SFMBT2: variants seen among roughly 807,000 people sequenced by gnomAD.
The protein encoded by SFMBT2 is Scm like with four mbt domains 2, also known as scm-like with four MBT domains protein 2.
A neutral mutation model predicts 110.1 loss-of-function variants in SFMBT2; 38 were observed. The observed-to-expected ratio is 0.35, with a 90% confidence interval of 0.27 to 0.45. The LOEUF (loss-of-function observed/expected upper bound fraction) is 0.45, where lower values mean the gene tolerates loss of function less well. Ranked by LOEUF, SFMBT2 falls within the 20% of genes least tolerant of loss-of-function variation. SFMBT2 has a pLI of 1.00. For missense variants in SFMBT2, 1,011 were observed against 1,094.9 expected (o/e 0.92, Z 1.08); for synonymous variants, 425 against 425.4 (o/e 1.00, Z 0.01).
chr10:7,272,533 G>GC (rs200631993), intron 7 of SFMBT2, among the ~76,000 whole-genome samples: 2 of 152,070 alleles, frequency 1.3e-5, no homozygotes, highest in Admixed American at 6.6e-5. Context: ...GCAGTTAGAC[G>GC]CCCCCCACAG....
At chr10:7,192,799 G>A (rs1402223359) in intron 15 of SFMBT2, among the ~76,000 whole-genome samples, 4 of 152,160 alleles carry the variant, frequency 2.6e-5, no homozygotes, top group Non-Finnish European at 4.4e-5. Flanking sequence ...GCAGTGGGGC[G>A]TCTCTGACTC....
At chr10:7,391,567 T>G (rs778831786) in intron 1 of SFMBT2, among the ~76,000 whole-genome samples, 5 of 152,166 alleles carry the variant, frequency 3.3e-5, no homozygotes, top group Non-Finnish European at 5.9e-5. Context: ...CCCAGGTGAC[T>G]GCAAAATTGA....
intron 7 of SFMBT2, among the ~76,000 whole-genome samples, chr10:7,249,986 C>A (rs879272245): frequency 1.6e-4 from 25 of 152,128 alleles, no homozygotes; most frequent in Admixed American, 1.4e-3. Context: ...ACTGGCCACT[C>A]TAAATATTTA....
At chr10:7,289,352 T>G (rs1157622635) in intron 4 of SFMBT2, among the ~76,000 whole-genome samples, 2 of 152,206 alleles carry the variant, frequency 1.3e-5, no homozygotes, top group African/African-American at 4.8e-5. Flanking sequence ...ATAATCCAAG[T>G]TAACAGTTAA....
At chr10:7,230,235 CT>C (rs1365972411) in intron 9 of SFMBT2, among the ~76,000 whole-genome samples, 1 of 152,084 alleles carries the variant, frequency 6.6e-6, no homozygotes, top group African/African-American at 2.4e-5. Flanking sequence ...TCCACCTGCC[CT>C]TTCTCCTGCC....
At chr10:7,229,720 T>G (rs1480899265) in intron 9 of SFMBT2, among the ~76,000 whole-genome samples, 1 of 128,210 alleles carries the variant, frequency 7.8e-6, no homozygotes, top group African/African-American at 3.0e-5. Flanking sequence ...TATTTTTTGT[T>G]GTTGTTGTTT....
At chr10:7,249,434 G>A in intron 7 of SFMBT2, 1 of 795,026 alleles carries the variant, frequency 1.3e-6, no homozygotes. Flanking sequence ...GGAGATGGAG[G>A]TCACCTCATA....
chr10:7,284,517 G>A, intron 5 of SFMBT2: 2 of 637,260 alleles, frequency 3.1e-6, no homozygotes, highest in Non-Finnish European at 4.0e-6. Flanking sequence ...AAACGTGGTA[G>A]CAAACGGTCT....
chr10:7,370,173 T>G, intron 3 of SFMBT2, 108 bp downstream of exon 3: 1 of 983,352 alleles, frequency 1.0e-6, no homozygotes, highest in Non-Finnish European at 1.6e-6. Context: ...GGCCACGAAT[T>G]TCCCTCTTTC....
intron 6 of SFMBT2, 81 bp downstream of exon 6, chr10:7,283,823 T>C (rs781574652): frequency 2.2e-4 from 210 of 943,352 alleles, no homozygotes; most frequent in Admixed American, 2.8e-4. Flanking sequence ...AGAAAGCTCA[T>C]ACATTTTCTA....
At chr10:7,383,163 T>C (rs1055671560) in intron 1 of SFMBT2, among the ~76,000 whole-genome samples, 1 of 152,204 alleles carries the variant, frequency 6.6e-6, no homozygotes, top group African/African-American at 2.4e-5. Flanking sequence ...CACATAGTGG[T>C]AAAATATCTT....
chr10:7,346,161 C>A (rs1422770537), intron 4 of SFMBT2, among the ~76,000 whole-genome samples: 2 of 152,214 alleles, frequency 1.3e-5, no homozygotes, highest in Non-Finnish European at 2.9e-5. Context: ...TCCTATAATA[C>A]ACACTGTATA....
chr10:7,317,264 T>C (rs911834491), intron 4 of SFMBT2, among the ~76,000 whole-genome samples: 12 of 151,416 alleles, frequency 7.9e-5, no homozygotes, highest in African/African-American at 2.7e-4. Flanking sequence ...CATTCGAAAA[T>C]AGAGGCAGCT....
chr10:7,228,731 CT>C lies in SFMBT2; in HGVS notation c.1121-795del, dbSNP rs1564395333. 3.0e-4 allele frequency among the ~76,000 whole-genome samples: 19 copies of C among 62,532 alleles called. 1 individual carries two copies. The Middle Eastern group carries it at 0.037, about 121-fold the overall frequency. 41.0% of individuals were successfully genotyped at this position (62,532 alleles called of 152,430 possible). A position where few individuals can be genotyped will look rare whatever the true frequency, so the allele number is the denominator to read the frequency against. On this transcript the variant is annotated intron_variant, in intron 9 of 20. Transcript: ENST00000397167. Reference sequence around the variant, plus strand: ...TCTTTCTTTCTTTCTTTCTTTCTTTCTTTCCTTTCTCTCTCTCTCTCTCTCT... The same window carrying C: ...TCTTTCTTTCTTTCTTTCTTTCTTTCTTCCTTTCTCTCTCTCTCTCTCTCT...
In SFMBT2 at chr10:7,228,725, T is replaced by C. The variant is rs1208614948; in HGVS notation, c.1121-788A>G. ...TTTCTTTCTTTCTTTCTTTCTTTCT[T>C]TCTTTCTTTCCTTTCTCTCTCTCTC... On this transcript the variant is annotated intron_variant, in intron 9 of 20. Coordinates refer to ENST00000397167, the MANE Select transcript of SFMBT2 (RefSeq NM_001387889.1). 9.6e-4 allele frequency among the ~76,000 whole-genome samples: 104 copies of C among 108,538 alleles called. 1 individual carries two copies. The highest frequency in any genetic ancestry group is 4.1e-3 in the African/African-American group (97 of 23,430). The allele number at this position is 108,538 out of a possible 152,430, so 71.2% of individuals were successfully genotyped here. A position where few individuals can be genotyped will look rare whatever the true frequency, so the allele number is the denominator to read the frequency against.
At position 7,200,434 on chromosome 10, in the gene SFMBT2, A is replaced by C; in HGVS notation, c.1538T>G (p.Phe513Cys). The part of the protein sequence containing the change: ...VKKIPHDLCL[F>C]PHLDTTGTVN... Reference sequence around the variant, plus strand: ...ATTACCTGTGGTGTCCAGGTGAGGGAATAAACAAAGGTCATGAGGTATTTT... The same window carrying C: ...ATTACCTGTGGTGTCCAGGTGAGGGCATAAACAAAGGTCATGAGGTATTTT... The change falls in exon 14 of 21, where the codon TTC becomes TGC. Residue 513 changes from phenylalanine to cysteine, a missense_variant. Phe to Cys is a radical substitution (Grantham distance 205). Around this residue, in one of 2 missense-constraint regions of SFMBT2, gnomAD observed 979 missense variants for 1,016.1 expected, o/e 0.96. Coordinates refer to ENST00000397167, the MANE Select transcript of SFMBT2 (RefSeq NM_001387889.1). 1.9e-6 allele frequency: 3 copies of C among 1,600,816 alleles called. No homozygotes were observed. The highest frequency in any genetic ancestry group is 2.6e-6 in the Non-Finnish European group (3 of 1,173,162).
chr10:7,320,761 C>T (rs1320898540), intron 4 of SFMBT2: 1 of 205,816 alleles, frequency 4.9e-6, no homozygotes, highest in Non-Finnish European at 8.5e-6. Flanking sequence ...TTCAGACCCT[C>T]CATGACCCAC....
At chr10:7,275,685 G>A (rs4748802) in intron 7 of SFMBT2, among the ~76,000 whole-genome samples, 94,934 of 151,940 alleles carry the variant, frequency 0.62, 29,807 homozygotes, top group East Asian at 0.79. Flanking sequence ...TCAGTTAAAC[G>A]TCACAACATA....
At chr10:7,323,635 G>A (rs1843275175) in intron 4 of SFMBT2, among the ~76,000 whole-genome samples, 1 of 152,010 alleles carries the variant, frequency 6.6e-6, no homozygotes. Context: ...AAGCCCCACA[G>A]GTGCTGTGCA....
Sources: allele counts gnomAD v4.1 joint callset (sites outside exome capture counted in the v4.1 genomes callset), GRCh38; gene constraint gnomAD v4.1.1; regional missense constraint gnomAD v4.1.1; transcripts MANE v1.5; gene names NCBI Gene and HGNC (gene_info 2026-07-23, HGNC 2026-07-21).